The following ALG9 variants were observed in gnomAD, a reference collection of about 807,000 sequenced individuals.
ALG9 encodes alpha-1,2-mannosyltransferase ALG9.
A neutral mutation model predicts 81.8 loss-of-function variants in ALG9; 55 were observed. The observed-to-expected ratio is 0.67, with a 90% CI of 0.54 to 0.84. ALG9 has a LOEUF of 0.84. Among genes scored for constraint, ALG9 ranks in the 40% least tolerant of loss-of-function variants. ALG9 has a pLI of 0.00. For missense variants in ALG9, 629 were observed against 745.0 expected (o/e 0.84, Z 1.81); for synonymous variants, 278 against 274.3 (o/e 1.01, Z -0.13).
intron 1 of ALG9, 134 bp from the exon 2 acceptor site, chr11:111,870,504 G>A: frequency 1.7e-6 from 2 of 1,188,600 alleles, no homozygotes; most frequent in Non-Finnish European, 2.3e-6. Flanking sequence ...CACCTAAAAA[G>A]GTGAATAGCT....
the ALG9 span, among the ~76,000 whole-genome samples, chr11:111,774,047 A>G: frequency 7.4e-6 from 1 of 135,990 alleles, no homozygotes; most frequent in Non-Finnish European, 1.5e-5. Context: ...GGCATGAGCC[A>G]CCATACCAAG....
chr11:111,808,814 T>C (rs1180729528), intron 14 of ALG9, among the ~76,000 whole-genome samples: 4 of 152,194 alleles, frequency 2.6e-5, no homozygotes, highest in Admixed American at 2.6e-4. Flanking sequence ...CTCAGACACC[T>C]TGACCCCTCC....
chr11:111,851,410 G>C (rs1957798655), intron 8 of ALG9, among the ~76,000 whole-genome samples: 1 of 151,418 alleles, frequency 6.6e-6, no homozygotes, highest in Non-Finnish European at 1.5e-5. Flanking sequence ...ACCCAGGAGG[G>C]GAGGTTGCAG....
At chr11:111,834,099 G>C (rs1954828580) in intron 13 of ALG9, among the ~76,000 whole-genome samples, 1 of 152,208 alleles carries the variant, frequency 6.6e-6, no homozygotes, top group South Asian at 2.1e-4. Flanking sequence ...TCACATATTT[G>C]ATGTGGAAAG....
chr11:111,797,261 T>TA (rs1184433397), intron 14 of ALG9, among the ~76,000 whole-genome samples: 1 of 152,164 alleles, frequency 6.6e-6, no homozygotes, highest in Non-Finnish European at 1.5e-5. Context: ...GGCTAGGTCA[T>TA]AAAAAATTAT....
chr11:111,815,080 A>C (rs1555095717), intron 13 of ALG9, among the ~76,000 whole-genome samples: 2 of 152,260 alleles, frequency 1.3e-5, no homozygotes, highest in East Asian at 3.9e-4. Flanking sequence ...TACAAGGCCT[A>C]CCAGGGATGT....
chr11:111,829,508 A>C (rs542312655), intron 13 of ALG9, among the ~76,000 whole-genome samples: 2 of 152,360 alleles, frequency 1.3e-5, no homozygotes, highest in South Asian at 4.1e-4. Flanking sequence ...AATTCAAGCC[A>C]ATTTATCCAT....
rs782779955 is a variant in ALG9 at position 111,782,272 on chromosome 11, A to C, written c.*4125T>G. On this transcript the variant is annotated 3_prime_UTR_variant, in exon 15 of 15. Transcript: ENST00000616540. Reference sequence around the variant, plus strand: ...TAATGTAAACACCGACACGTGAAATAAAGTACAAGGATCAGGAAGACAAGT... The same window carrying C: ...TAATGTAAACACCGACACGTGAAATCAAGTACAAGGATCAGGAAGACAAGT... 3 of 152,278 alleles carry C rather than the reference A, an allele frequency of 2.0e-5. No individual in the cohort carries two copies. Among genetic ancestry groups the C allele is most frequent in the Non-Finnish European group, 4.4e-5 (3 of 68,034 alleles). The allele number at this position is 152,278 out of a possible 1,614,324, so 9.4% of individuals were successfully genotyped here. A position where few individuals can be genotyped will look rare whatever the true frequency, so the allele number is the denominator to read the frequency against.
chr11:111,862,330 TTCAAGTGA>T (rs1555148733), intron 4 of ALG9, among the ~76,000 whole-genome samples: 19 of 151,458 alleles, frequency 1.3e-4, no homozygotes, highest in Non-Finnish European at 4.4e-5. Context: ...GTCTCTTGAG[TTCAAGTGA>T]TTCTCGTGCC....
At chr11:111,830,475 T>C (rs1213002884) in intron 13 of ALG9, among the ~76,000 whole-genome samples, 4 of 152,208 alleles carry the variant, frequency 2.6e-5, no homozygotes, top group South Asian at 2.1e-4. Context: ...CATTCAATCA[T>C]TATAGATCAT....
chr11:111,856,442 T>C (rs1958697814), intron 6 of ALG9, among the ~76,000 whole-genome samples: 1 of 151,820 alleles, frequency 6.6e-6, no homozygotes, highest in Non-Finnish European at 1.5e-5. Context: ...AATACCTATA[T>C]ATATACAGAA....
chr11:111,821,122 AAAG>A (rs1401424802), intron 13 of ALG9, among the ~76,000 whole-genome samples: 3 of 152,206 alleles, frequency 2.0e-5, no homozygotes, highest in Non-Finnish European at 4.4e-5. Context: ...TAAAAAGTAA[AAAG>A]AAATCCTATT....
intron 13 of ALG9, among the ~76,000 whole-genome samples, chr11:111,821,784 T>C (rs1952439152): frequency 6.6e-6 from 1 of 152,064 alleles, no homozygotes; most frequent in African/African-American, 2.4e-5. Context: ...TACAGGCGCC[T>C]GTCACCACGC....
At chr11:111,818,977 A>G (rs1452020882) in intron 13 of ALG9, among the ~76,000 whole-genome samples, 2 of 152,240 alleles carry the variant, frequency 1.3e-5, no homozygotes, top group Non-Finnish European at 2.9e-5. Flanking sequence ...GGAAGCAGCC[A>G]AGGATGAAGG....
At chr11:111,827,727 G>A (rs1953603387) in intron 13 of ALG9, among the ~76,000 whole-genome samples, 1 of 151,802 alleles carries the variant, frequency 6.6e-6, no homozygotes, top group South Asian at 2.1e-4. Context: ...AATTAGCCAG[G>A]CATGGTGGCA....
intron 8 of ALG9, among the ~76,000 whole-genome samples, chr11:111,848,207 A>T (rs1234003827): frequency 6.6e-6 from 1 of 152,232 alleles, no homozygotes; most frequent in African/African-American, 2.4e-5. Context: ...TGGTATGTGA[A>T]TAACTTCTGA....
rs150988316 is a variant in ALG9, at chr11:111,840,202, G to C, written c.1173+453C>G. On this transcript the variant is annotated intron_variant, in intron 10 of 14. Transcript: ENST00000616540. Reference sequence around the variant, plus strand: ...ACAGGGTTCTGAGGCTACTGAAGCCGTAAGTACAGAGATATTCAAACAGAG... The same window carrying C: ...ACAGGGTTCTGAGGCTACTGAAGCCCTAAGTACAGAGATATTCAAACAGAG... Among the ~76,000 whole-genome samples the C allele has an allele frequency of 6.8e-4, 103 of 152,316 alleles. 2 individuals are homozygous for C. The East Asian group carries it at 0.019, about 29-fold the overall frequency.
chr11:111,786,125 T>G lies in ALG9; in HGVS notation c.*272A>C. 2 of 515,252 alleles carry G rather than the reference T, an allele frequency of 3.9e-6. No homozygotes were observed. The highest frequency in any genetic ancestry group is 7.5e-6 in the Non-Finnish European group (2 of 266,038). The allele number at this position is 515,252 out of a possible 1,614,324, so 31.9% of individuals were successfully genotyped here. ...AAATAATTGAACAGAGGAAAAACAATGAGATGTGGAGCAATATATCTATCT... is the reference window on the plus strand; with the variant it reads ...AAATAATTGAACAGAGGAAAAACAAGGAGATGTGGAGCAATATATCTATCT... On this transcript the variant is annotated 3_prime_UTR_variant, in exon 15 of 15. Transcript: ENST00000616540.
At chr11:111,791,026 T>A (rs1555069984) in intron 14 of ALG9, among the ~76,000 whole-genome samples, 1 of 152,258 alleles carries the variant, frequency 6.6e-6, no homozygotes, top group East Asian at 1.9e-4. Flanking sequence ...CCATTTGCTA[T>A]GATTAAAAAT....
Sources: allele counts gnomAD v4.1 joint callset (sites outside exome capture counted in the v4.1 genomes callset), GRCh38; gene constraint gnomAD v4.1.1; transcripts MANE v1.5; gene names NCBI Gene and HGNC (gene_info 2026-07-23, HGNC 2026-07-21).